The following HMGCS1 variants were observed in gnomAD, a reference collection of about 807,000 sequenced individuals.
HMGCS1 encodes 3-hydroxy-3-methylglutaryl-CoA synthase 1.
HMGCS1 carries 9 observed loss-of-function variants against 52.3 expected under a neutral mutation model. The ratio of observed to expected loss-of-function variants is 0.17; its 90% confidence interval spans 0.10 to 0.30. The LOEUF is 0.30. Among genes scored for constraint, HMGCS1 ranks in the 10% least tolerant of loss-of-function variants. HMGCS1 has a pLI of 1.00. For synonymous variants in HMGCS1, 176 were observed against 214.4 expected (o/e 0.82, Z 1.57); for missense variants, 320 against 620.9 (o/e 0.52, Z 5.15).
chr5:43,292,946 C>A lies in HMGCS1; in HGVS notation c.1211G>T (p.Ser404Ile). Residue 404 changes from serine (S) to isoleucine (I), a missense_variant, in exon 9 of 11, where the codon AGT becomes ATT. By Grantham distance (142) the Ser-to-Ile change is moderately radical. This residue lies in a region of HMGCS1 where 213 missense variants were observed against 337.4 expected (regional missense o/e 0.63). Coordinates refer to ENST00000325110, the MANE Select transcript of HMGCS1 (RefSeq NM_001098272.3). ...AAGCCTTGATTTAAGATCACATAAA[C>A]TTGCTGTTATTTTATCAAGAGCAGA... ...PGSALDKITA[S>I]LCDLKSRLDS... 1 of 1,603,784 alleles carries A rather than the reference C, an allele frequency of 6.2e-7. No individual in the cohort carries two copies.
intron 1 of HMGCS1, among the ~76,000 whole-genome samples, chr5:43,312,309 A>G (rs1488508930): frequency 6.6e-6 from 1 of 152,234 alleles, no homozygotes; most frequent in African/African-American, 2.4e-5. Context: ...ATCCTACTGC[A>G]GCAGGTGGCA....
chr5:43,294,633 A>G (rs1753943015), intron 7 of HMGCS1, 58 bp downstream of exon 7: 3 of 1,326,538 alleles, frequency 2.3e-6, no homozygotes, highest in Non-Finnish European at 3.1e-6. Context: ...ATTTGGTCTT[A>G]GAAATCTAAC....
chr5:43,308,118 C>T (rs1754669018), intron 1 of HMGCS1, among the ~76,000 whole-genome samples: 1 of 152,124 alleles, frequency 6.6e-6, no homozygotes, highest in Non-Finnish European at 1.5e-5. Flanking sequence ...ATAAGAAGCC[C>T]ATGTCACCAA....
At chr5:43,296,042 G>T (rs927047505) in intron 5 of HMGCS1, 125 bp from the exon 6 acceptor site, 1 of 636,798 alleles carries the variant, frequency 1.6e-6, no homozygotes, top group Non-Finnish European at 2.7e-6. Flanking sequence ...ACTGTATAAT[G>T]AAACCTCTCT....
intron 1 of HMGCS1, among the ~76,000 whole-genome samples, chr5:43,310,482 T>G (rs1754805683): frequency 6.6e-6 from 1 of 152,218 alleles, no homozygotes; most frequent in African/African-American, 2.4e-5. Flanking sequence ...TTTGATTTTT[T>G]GAAATCCCTT....
Position 43,287,912 on chromosome 5 carries a change from C to G in HMGCS1, c.*3219G>C, listed in dbSNP as rs573389676. The G allele has an allele frequency of 2.0e-5, 3 of 152,374 alleles. No individual in the cohort carries two copies. Among genetic ancestry groups the G allele is most frequent in the South Asian group, 2.1e-4 (1 of 4,828 alleles). The allele number at this position is 152,374 out of a possible 1,614,324, so 9.4% of individuals were successfully genotyped here. A position where few individuals can be genotyped will look rare whatever the true frequency, so the allele number is the denominator to read the frequency against. ...GAGTAGAAGGCAGGGCAGAGAAGAT[C>G]TGAAGTGGGGCCCAACATTTCTGAT... On this transcript the variant is annotated 3_prime_UTR_variant, in exon 11 of 11. Transcript: ENST00000325110.
Position 43,298,917 on chromosome 5 carries a change from C to T in HMGCS1, c.49G>A (p.Val17Met). Residue 17 changes from valine to methionine, a missense_variant, in exon 3 of 11, where the codon GTG becomes ATG. By Grantham distance (21) the Val-to-Met change is conservative (BLOSUM62 1). Coordinates refer to ENST00000325110, the MANE Select transcript of HMGCS1 (RefSeq NM_001098272.3). This position sits in a 1 kb window ranked among gnomAD's most constrained non-coding sequence, Gnocchi z 5.6. The stretch of plus-strand genomic sequence containing the variant: ...TAGATCTCAAGGGCAACAATTCCCA[C>T]ATCTTTTGGCCAGCAAGCTTCTGCA... ...LNAEACWPKD[V>M]GIVALEIYFP... 1 of 1,614,020 alleles carries T rather than the reference C, an allele frequency of 6.2e-7. No homozygotes were observed. The highest frequency in any genetic ancestry group is 2.2e-5 in the East Asian group (1 of 44,882).
chr5:43,292,639 TAAAGG>T lies in HMGCS1; in HGVS notation c.1310-7_1310-3del, dbSNP rs748966555. On this transcript the variant is annotated splice_region_variant and splice_polypyrimidine_tract_variant and intron_variant, in intron 9 of 10. Coordinates refer to ENST00000325110, the MANE Select transcript of HMGCS1 (RefSeq NM_001098272.3). ...TTGAACCCTGGGGAATATAGTTGAC[TAAAGG>T]AAAGGGAGAGAATATCTACAATTAG... 57 of 1,608,346 alleles carry T rather than the reference TAAAGG, an allele frequency of 3.5e-5. No individual in the cohort carries two copies. The highest frequency in any genetic ancestry group is 4.3e-5 in the Non-Finnish European group (51 of 1,175,210).
At chr5:43,292,396 TG>T in intron 10 of HMGCS1, 77 bp downstream of exon 10, 1 of 1,225,990 alleles carries the variant, frequency 8.2e-7, no homozygotes, top group Non-Finnish European at 1.2e-6. Flanking sequence ...TCTTCTTTAC[TG>T]ACATTTATTT....
chr5:43,292,561 G>A lies in HMGCS1; in HGVS notation c.1386C>T (p.His462=). ...TWYLVRVDEK[H]RRTYARRPTP... ...TGGGACGCCGAGCGTAAGTTCTTCT[G>A]TGCTTTTCATCCACCCTAACTAAGT... Residue 462 remains histidine (H), a synonymous_variant, in exon 10 of 11, where the codon CAC becomes CAT. Transcript: ENST00000325110. 1 of 1,613,836 alleles carries A rather than the reference G, an allele frequency of 6.2e-7. No homozygotes were observed. Among genetic ancestry groups the A allele is most frequent in the South Asian group, 1.1e-5 (1 of 91,078 alleles).
intron 10 of HMGCS1, among the ~76,000 whole-genome samples, chr5:43,291,968 C>A: frequency 6.7e-6 from 1 of 149,766 alleles, no homozygotes; most frequent in Non-Finnish European, 1.5e-5. Flanking sequence ...TTAATAAAAC[C>A]TAGTATTTAC....
In HMGCS1 at chr5:43,291,079, A is replaced by ACCCCCCCCCCCATCCCCCCCC; in HGVS notation, c.*51_*52insGGGGGGGGATGGGGGGGGGGG. On this transcript the variant is annotated 3_prime_UTR_variant, in exon 11 of 11. Coordinates refer to ENST00000325110, the MANE Select transcript of HMGCS1 (RefSeq NM_001098272.3). ...ATCCCATTCCTCCAACTGTTCCCAT[A>ACCCCCCCCCCCATCCCCCCCC]CCCCCACCCCATGCCCACCCCACCC... 1.3e-6 allele frequency: 1 copy of ACCCCCCCCCCCATCCCCCCCC among 780,104 alleles called. No homozygotes were observed. The highest frequency in any genetic ancestry group is 2.3e-6 in the Non-Finnish European group (1 of 430,614). 48.3% of individuals were successfully genotyped at this position (780,104 alleles called of 1,614,324 possible). A position where few individuals can be genotyped will look rare whatever the true frequency, so the allele number is the denominator to read the frequency against.
intron 2 of HMGCS1, among the ~76,000 whole-genome samples, chr5:43,300,076 G>A (rs953362416): frequency 1.1e-4 from 17 of 152,178 alleles, no homozygotes; most frequent in Admixed American, 9.8e-4. Context: ...CACTGTTGGT[G>A]CTGCCACTGA....
rs1753954434 is a variant in HMGCS1, at chr5:43,294,874, T to C, written c.906-13A>G. ...TAATTTAACATCCCTGAAAGATTTA[T>C]TTTACAGTTTTACAGTGTTTAAAGC... On this transcript the variant is annotated splice_polypyrimidine_tract_variant and intron_variant, in intron 6 of 10. Coordinates refer to ENST00000325110, the MANE Select transcript of HMGCS1 (RefSeq NM_001098272.3). 1 of 1,538,430 alleles carries C rather than the reference T, an allele frequency of 6.5e-7. No homozygotes were observed. The highest frequency in any genetic ancestry group is 1.2e-5 in the South Asian group (1 of 86,794).
At chr5:43,304,792 C>G (rs1754481488) in intron 2 of HMGCS1, among the ~76,000 whole-genome samples, 1 of 152,188 alleles carries the variant, frequency 6.6e-6, no homozygotes, top group South Asian at 2.1e-4. Context: ...GTCAATATTA[C>G]TCATTCTCTG....
intron 2 of HMGCS1, among the ~76,000 whole-genome samples, chr5:43,305,839 T>G (rs1185158985): frequency 1.3e-5 from 2 of 151,412 alleles, no homozygotes; most frequent in East Asian, 3.9e-4. Context: ...CACAAAAACT[T>G]TCAAGTAGAA....
chr5:43,300,544 C>T (rs547218448), intron 2 of HMGCS1, among the ~76,000 whole-genome samples: 73 of 152,266 alleles, frequency 4.8e-4, no homozygotes, highest in Non-Finnish European at 9.0e-4. Context: ...AATCCTAGCA[C>T]TCTGGGAGGC....
intron 2 of HMGCS1, among the ~76,000 whole-genome samples, chr5:43,302,152 T>C (rs896486980): frequency 6.6e-6 from 1 of 152,232 alleles, no homozygotes; most frequent in Non-Finnish European, 1.5e-5. Flanking sequence ...ACTTCCTTCC[T>C]ATATGGGACT....
intron 1 of HMGCS1, among the ~76,000 whole-genome samples, chr5:43,310,634 AT>A (rs201159270): frequency 5.3e-5 from 8 of 150,400 alleles, no homozygotes; most frequent in South Asian, 4.2e-4. Context: ...TCACTTTTTA[AT>A]TTTTTTTTTA....
Sources: gnomAD v4.1 joint callset for allele counts (sites outside exome capture counted in the v4.1 genomes callset) on GRCh38, gnomAD v4.1.1 for gene constraint, gnomAD v4.1.1 regional missense constraint, Gnocchi (gnomAD v3.1) non-coding constraint, MANE v1.5 for transcripts, NCBI Gene and HGNC (gene_info 2026-07-23, HGNC 2026-07-21) for gene names.